The following ANGPT2 variants were observed in gnomAD, a reference collection of about 807,000 sequenced individuals.
ANGPT2 encodes the protein angiopoietin-2.
In ANGPT2, 28 loss-of-function variants were observed where a neutral mutation model predicts 62.9. That is an observed-to-expected ratio of 0.44 (90% CI 0.33 to 0.61). The LOEUF (loss-of-function observed/expected upper bound fraction) is 0.61. Among genes scored for constraint, ANGPT2 ranks in the 20% least tolerant of loss-of-function variants. ANGPT2 has a pLI of 0.03. For synonymous variants in ANGPT2, 284 were observed against 207.8 expected (o/e 1.37, Z -3.15); for missense variants, 727 against 594.9 (o/e 1.22, Z -2.31).
rs1817009879 is a variant in ANGPT2, at chr8:6,520,006, T to C, written c.800-15A>G. ...GGGGTCCTTAGCTGCTTTTAAAAAATAGTAAGGCATTTAAACGGAGTTCAT... is the reference window on the plus strand; with the variant it reads ...GGGGTCCTTAGCTGCTTTTAAAAAACAGTAAGGCATTTAAACGGAGTTCAT... On this transcript the variant is annotated splice_polypyrimidine_tract_variant and intron_variant, in intron 4 of 8. Coordinates refer to ENST00000629816, the MANE Select transcript of ANGPT2 (RefSeq NM_001118887.2). 5 of 1,612,574 alleles carry C rather than the reference T, an allele frequency of 3.1e-6. No homozygotes were observed. Among genetic ancestry groups the C allele is most frequent in the Non-Finnish European group, 4.2e-6 (5 of 1,179,362 alleles).
Position 6,499,646 on chromosome 8 carries a change from G to C in ANGPT2, c.*3455C>G, listed in dbSNP as rs796850818. The C allele has an allele frequency of 2.8e-5, 15 of 529,006 alleles. No individual in the cohort carries two copies. The African/African-American group carries it at 2.8e-4, about 10-fold the overall frequency. The allele number at this position is 529,006 out of a possible 1,614,324, so 32.8% of individuals were successfully genotyped here. A position where few individuals can be genotyped will look rare whatever the true frequency, so the allele number is the denominator to read the frequency against. ...AATGACTCAGATTTCTTGTTATCGT[G>C]AGACTTTTTCTCAATCAACTTTTTA... On this transcript the variant is annotated 3_prime_UTR_variant, in exon 9 of 9. Transcript: ENST00000629816.
At chr8:6,526,257 T>TAA (rs35519559) in intron 3 of ANGPT2, among the ~76,000 whole-genome samples, 2,266 of 77,354 alleles carry the variant, frequency 0.029, 152 homozygotes, top group Middle Eastern at 0.059. Context: ...TTGCCTCTAC[T>TAA]AAAAAAAAAA....
chr8:6,530,272 C>G (rs1819219807), intron 2 of ANGPT2, among the ~76,000 whole-genome samples: 1 of 152,020 alleles, frequency 6.6e-6, no homozygotes, highest in Non-Finnish European at 1.5e-5. Context: ...GTTTGGGAGG[C>G]CAAGGCAGGT....
intron 5 of ANGPT2, among the ~76,000 whole-genome samples, chr8:6,516,502 G>A (rs576795792): frequency 8.8e-4 from 134 of 152,260 alleles, no homozygotes; most frequent in African/African-American, 3.2e-3. Flanking sequence ...TTGGTAAATA[G>A]GCCAAAAGTC....
chr8:6,551,737 A>G (rs1823682219), intron 1 of ANGPT2, among the ~76,000 whole-genome samples: 1 of 152,240 alleles, frequency 6.6e-6, no homozygotes, highest in Non-Finnish European at 1.5e-5. Flanking sequence ...TAAAAATAGT[A>G]AGGAATTTCA....
At chr8:6,536,972 G>GAA (rs58686747) in intron 1 of ANGPT2, among the ~76,000 whole-genome samples, 14,150 of 101,960 alleles carry the variant, frequency 0.14, 787 homozygotes, top group South Asian at 0.24. Flanking sequence ...CTTAGTACAA[G>GAA]AAAAAAAAAA....
intron 3 of ANGPT2, among the ~76,000 whole-genome samples, chr8:6,526,497 C>G (rs771660910): frequency 2.6e-5 from 4 of 151,770 alleles, no homozygotes; most frequent in African/African-American, 4.8e-5. Flanking sequence ...TGATTGGTCT[C>G]AAATGTTCAT....
chr8:6,537,698 A>T (rs1820763930), intron 1 of ANGPT2, among the ~76,000 whole-genome samples: 1 of 152,142 alleles, frequency 6.6e-6, no homozygotes, highest in African/African-American at 2.4e-5. Flanking sequence ...TTGATTACAC[A>T]TTTAAAAGTT....
chr8:6,521,886 T>G (rs1036132974), intron 3 of ANGPT2, among the ~76,000 whole-genome samples: 2 of 152,234 alleles, frequency 1.3e-5, no homozygotes, highest in East Asian at 3.8e-4. Context: ...TAATGCTATG[T>G]GAGAAATACT....
Position 6,562,873 on chromosome 8 carries a change from T to C in ANGPT2, c.62A>G (p.Asn21Ser), listed in dbSNP as rs1304208706. 4 of 1,612,184 alleles carry C rather than the reference T, an allele frequency of 2.5e-6. No homozygotes were observed. Among genetic ancestry groups the C allele is most frequent in the Admixed American group, 1.7e-5 (1 of 59,956 alleles). The part of the protein sequence containing the change: ...CDLVLAAAYN[N>S]FRKSMDSIGK... Reference sequence around the variant, plus strand: ...TATGCTGTCCATGCTCTTCCGAAAGTTGTTATAGGCTGCGGCCAAGACAAG... The same window carrying C: ...TATGCTGTCCATGCTCTTCCGAAAGCTGTTATAGGCTGCGGCCAAGACAAG... The change falls in exon 1 of 9, where the codon AAC (asparagine) becomes AGC (serine). Residue 21 changes from asparagine to serine, a missense_variant. Transcript: ENST00000629816.
chr8:6,509,352 TAAACAG>T (rs1365603271), intron 7 of ANGPT2, among the ~76,000 whole-genome samples: 1 of 152,206 alleles, frequency 6.6e-6, no homozygotes, highest in African/African-American at 2.4e-5. Context: ...TGCTTTCAGA[TAAACAG>T]AAGAGAAAGA....
At chr8:6,522,761 G>A (rs181761728) in intron 3 of ANGPT2, among the ~76,000 whole-genome samples, 161 of 149,370 alleles carry the variant, frequency 1.1e-3, no homozygotes, top group African/African-American at 3.8e-3. Context: ...GCAACAGAGC[G>A]AGACATCGTC....
At chr8:6,544,838 C>T (rs535433052) in intron 1 of ANGPT2, among the ~76,000 whole-genome samples, 1 of 152,216 alleles carries the variant, frequency 6.6e-6, no homozygotes, top group East Asian at 1.9e-4. Flanking sequence ...CAGGAAGACT[C>T]GAAATATGTT....
chr8:6,532,585 A>T, intron 1 of ANGPT2, 98 bp from the exon 2 acceptor site: 1 of 891,478 alleles, frequency 1.1e-6, no homozygotes, highest in South Asian at 3.1e-5. Context: ...AAAAAAAAAA[A>T]AAAAAAATCT....
At chr8:6,525,756 A>G (rs1005048757) in intron 3 of ANGPT2, among the ~76,000 whole-genome samples, 1 of 152,198 alleles carries the variant, frequency 6.6e-6, no homozygotes, top group Non-Finnish European at 1.5e-5. Context: ...ATAGCTGTTG[A>G]TGAAAAAAAC....
chr8:6,549,807 G>A (rs1429295118), intron 1 of ANGPT2, among the ~76,000 whole-genome samples: 1 of 152,192 alleles, frequency 6.6e-6, no homozygotes, highest in Non-Finnish European at 1.5e-5. Context: ...GCACAGGTGC[G>A]CACAGATACA....
chr8:6,529,892 T>G (rs565540572), intron 2 of ANGPT2, among the ~76,000 whole-genome samples: 1 of 151,612 alleles, frequency 6.6e-6, no homozygotes, highest in Non-Finnish European at 1.5e-5. Flanking sequence ...GTTTTTTTTT[T>G]AAATCATATG....
chr8:6,550,212 G>A (rs1823384603), intron 1 of ANGPT2, among the ~76,000 whole-genome samples: 1 of 152,202 alleles, frequency 6.6e-6, no homozygotes, highest in South Asian at 2.1e-4. Flanking sequence ...TTACTCACTG[G>A]CTACCGCTAG....
chr8:6,503,356 C>G, intron 8 of ANGPT2, 95 bp from the exon 9 acceptor site: 5 of 1,343,654 alleles, frequency 3.7e-6, no homozygotes, highest in Middle Eastern at 1.9e-4. Context: ...AGGCACACTG[C>G]AGGCGTGTGG....
Sources: gnomAD v4.1 joint callset for allele counts (sites outside exome capture counted in the v4.1 genomes callset) on GRCh38, gnomAD v4.1.1 for gene constraint, MANE v1.5 for transcripts, NCBI Gene and HGNC (gene_info 2026-07-23, HGNC 2026-07-21) for gene names.